The following AGBL3 variants were observed in gnomAD, a reference collection of about 807,000 sequenced individuals.
AGBL3 encodes the protein AGBL carboxypeptidase 3.
A neutral mutation model predicts 94.5 loss-of-function variants in AGBL3; 68 were observed. That is an observed-to-expected ratio of 0.72 (90% CI 0.59 to 0.88). AGBL3 has a LOEUF of 0.88. Among genes scored for constraint, AGBL3 ranks in the 40% least tolerant of loss-of-function variants. The pLI, the probability that AGBL3 is intolerant of heterozygous loss-of-function variation, is 0.00. For missense variants in AGBL3, 934 were observed against 1,103.8 expected, an observed-to-expected ratio of 0.85 and a Z score of 2.18; for synonymous variants, 354 against 370.7, an observed-to-expected ratio of 0.95 and a Z score of 0.52.
intron 5 of AGBL3, among the ~76,000 whole-genome samples, chr7:135,025,914 GCAT>G (rs964297520): frequency 9.2e-5 from 3 of 32,720 alleles, no homozygotes; most frequent in African/African-American, 1.7e-4. Context: ...CAACAATGGC[GCAT>G]CGTTTCATAA....
chr7:135,114,676 C>T (rs998919342), intron 15 of AGBL3, among the ~76,000 whole-genome samples: 3 of 152,136 alleles, frequency 2.0e-5, no homozygotes, highest in Admixed American at 6.5e-5. Flanking sequence ...CCATTTCCAC[C>T]ACCCTGGTCC....
At position 135,016,030 on chromosome 7, in the gene AGBL3, CAAAAAAAAAAA is replaced by C. The variant is rs5887720; in HGVS notation, c.311-1012_311-1002del. On this transcript the variant is annotated intron_variant, in intron 4 of 16. Transcript: ENST00000436302. ...TGGGCGACAGAGCGACACTCCATCT[CAAAAAAAAAAA>C]AAAAAAAAAGAAAAGAAAAAAAAAA... 1.7e-3 allele frequency among the ~76,000 whole-genome samples: 245 copies of C among 141,320 alleles called. 4 individuals carry two copies. The highest frequency in any genetic ancestry group is 0.014 in the East Asian group (70 of 4,948). The allele number at this position is 141,320 out of a possible 152,430, so 92.7% of individuals were successfully genotyped here.
intron 11 of AGBL3, among the ~76,000 whole-genome samples, chr7:135,053,081 G>A (rs1818026965): frequency 6.6e-6 from 1 of 152,110 alleles, no homozygotes; most frequent in African/African-American, 2.4e-5. Flanking sequence ...ACTTTTTCCA[G>A]AGATATAAAC....
chr7:135,072,719 A>G (rs544253459), intron 12 of AGBL3, among the ~76,000 whole-genome samples: 2 of 143,952 alleles, frequency 1.4e-5, no homozygotes, highest in East Asian at 4.5e-4. Context: ...AACAATGAGA[A>G]CACATGGACA....
chr7:135,125,848 T>A (rs1362436285), intron 16 of AGBL3, among the ~76,000 whole-genome samples: 1 of 152,212 alleles, frequency 6.6e-6, no homozygotes, highest in Non-Finnish European at 1.5e-5. Flanking sequence ...TCAACATCCC[T>A]TCATGTTAAA....
At chr7:135,126,351 C>G (rs1324040310) in intron 16 of AGBL3, among the ~76,000 whole-genome samples, 1 of 152,166 alleles carries the variant, frequency 6.6e-6, no homozygotes, top group Non-Finnish European at 1.5e-5. Context: ...TGAAGGACCT[C>G]TTCAAGGAGA....
At chr7:135,030,715 G>A (rs550332205) in intron 5 of AGBL3, among the ~76,000 whole-genome samples, 2 of 151,750 alleles carry the variant, frequency 1.3e-5, no homozygotes, top group Non-Finnish European at 2.9e-5. Flanking sequence ...ACATATGTTG[G>A]ATTCTAGATA....
At chr7:135,043,987 C>T (rs1319997189) in intron 8 of AGBL3, 38 bp from the exon 9 acceptor site, 1 of 1,532,458 alleles carries the variant, frequency 6.5e-7, no homozygotes, top group African/African-American at 1.4e-5. Flanking sequence ...ATATCGGTAC[C>T]AGAACAACGA....
intron 5 of AGBL3, among the ~76,000 whole-genome samples, chr7:135,024,394 A>G (rs1814857274): frequency 6.6e-6 from 1 of 152,222 alleles, no homozygotes; most frequent in South Asian, 2.1e-4. Context: ...TCTGCCCAAT[A>G]TACATTCATT....
At chr7:135,033,751 T>C (rs2116441265) in intron 6 of AGBL3, among the ~76,000 whole-genome samples, 1 of 152,320 alleles carries the variant, frequency 6.6e-6, no homozygotes, top group Non-Finnish European at 1.5e-5. Flanking sequence ...TTATTTTATA[T>C]CCCTAGTATT....
At chr7:135,117,126 C>T (rs1826435780) in intron 16 of AGBL3, among the ~76,000 whole-genome samples, 1 of 152,322 alleles carries the variant, frequency 6.6e-6, no homozygotes, top group Middle Eastern at 3.4e-3. Flanking sequence ...GCATCTGCTT[C>T]ATCTTCATGG....
chr7:135,021,652 A>G (rs1814487365), intron 5 of AGBL3, among the ~76,000 whole-genome samples: 1 of 115,786 alleles, frequency 8.6e-6, no homozygotes, highest in Non-Finnish European at 1.7e-5. Flanking sequence ...ACAGCATATC[A>G]TTGGGATTTG....
intron 15 of AGBL3, among the ~76,000 whole-genome samples, chr7:135,096,794 A>AG (rs1822966562): frequency 5.3e-5 from 8 of 151,074 alleles, no homozygotes; most frequent in South Asian, 4.2e-4. Context: ...AAAGAAAGAA[A>AG]AAGGGAAGAA....
chr7:135,056,939 A>C (rs1400061518), intron 11 of AGBL3, among the ~76,000 whole-genome samples: 1 of 152,128 alleles, frequency 6.6e-6, no homozygotes, highest in African/African-American at 2.4e-5. Flanking sequence ...AAAATACTGA[A>C]GAAGGACAAA....
At chr7:135,060,509 C>A (rs998031818) in intron 12 of AGBL3, among the ~76,000 whole-genome samples, 9 of 152,234 alleles carry the variant, frequency 5.9e-5, no homozygotes, top group Non-Finnish European at 8.8e-5. Flanking sequence ...TTCCTCCTAT[C>A]TAACTGGAAT....
In AGBL3 at chr7:135,017,067, G is replaced by T. The variant is rs1813886468; in HGVS notation, c.326G>T (p.Cys109Phe). The T allele has an allele frequency of 2.6e-6, 4 of 1,546,134 alleles. No homozygotes were observed. In the East Asian group the frequency reaches 9.8e-5, roughly 38 times the overall value. The change falls in exon 5 of 17, where the codon TGT becomes TTT. Residue 109 changes from cysteine (C) to phenylalanine (F), a missense_variant. Cys to Phe is a radical substitution (Grantham distance 205). Coordinates refer to ENST00000436302, the MANE Select transcript of AGBL3 (RefSeq NM_178563.4). The stretch of plus-strand genomic sequence containing the variant: ...TTTTTTCCAGATTGGACTCCTTCTT[G>T]TCCTGAGCCAGTGTATATCCCAACG... Reference protein sequence around the residue: ...KVQHIDWTPSCPEPVYIPTGL... With the variant: ...KVQHIDWTPSFPEPVYIPTGL...
At chr7:135,019,330 G>A (rs1040957267) in intron 5 of AGBL3, among the ~76,000 whole-genome samples, 3 of 152,132 alleles carry the variant, frequency 2.0e-5, no homozygotes, top group African/African-American at 7.2e-5. Flanking sequence ...CTTTTGATGA[G>A]TAGAACTTTT....
chr7:135,072,598 G>C (rs901974149), intron 12 of AGBL3, among the ~76,000 whole-genome samples: 1 of 152,116 alleles, frequency 6.6e-6, no homozygotes, highest in Admixed American at 6.5e-5. Context: ...AAAATGATAA[G>C]TTCATGTCCT....
At chr7:135,074,177 A>C (rs1820240325) in intron 12 of AGBL3, among the ~76,000 whole-genome samples, 1 of 152,166 alleles carries the variant, frequency 6.6e-6, no homozygotes, top group Non-Finnish European at 1.5e-5. Context: ...CATCATGTAC[A>C]CCTTAAATAT....
Sources: gnomAD v4.1 joint callset for allele counts (sites outside exome capture counted in the v4.1 genomes callset) on GRCh38, gnomAD v4.1.1 for gene constraint, MANE v1.5 for transcripts, NCBI Gene and HGNC (gene_info 2026-07-23, HGNC 2026-07-21) for gene names.